Variants in ZNF827 observed in about 807,000 individuals in gnomAD.
ZNF827 encodes zinc finger protein 827.
ZNF827 carries 13 observed loss-of-function variants against 102.4 expected under a neutral mutation model. That is an observed-to-expected ratio of 0.13 (90% CI 0.08 to 0.20). The LOEUF is 0.20. Ranked by LOEUF, ZNF827 falls within the 10% of genes least tolerant of loss-of-function variation. ZNF827 has a pLI of 1.00. For synonymous variants in ZNF827, 523 were observed against 536.2 expected, an observed-to-expected ratio of 0.98 and a Z score of 0.34; for missense variants, 1,103 against 1,344.4, an observed-to-expected ratio of 0.82 and a Z score of 2.81.
chr4:145,889,971 C>T (rs1156267683), intron 3 of ZNF827, among the ~76,000 whole-genome samples: 3 of 148,978 alleles, frequency 2.0e-5, no homozygotes, highest in Non-Finnish European at 4.4e-5. Flanking sequence ...AGCTAGACTC[C>T]GTCTCAAAAA....
chr4:145,919,128 A>T (rs1752885431), intron 1 of ZNF827, among the ~76,000 whole-genome samples: 1 of 151,808 alleles, frequency 6.6e-6, no homozygotes, highest in South Asian at 2.1e-4. Flanking sequence ...CTGGTGGCAT[A>T]CTCTAGTACC....
intron 2 of ZNF827, among the ~76,000 whole-genome samples, chr4:145,897,378 A>T (rs1422606545): frequency 6.6e-6 from 1 of 152,188 alleles, no homozygotes; most frequent in Non-Finnish European, 1.5e-5. Context: ...AAGTCAATAT[A>T]ACTTGCAACT....
chr4:145,862,178 C>T (rs1026892234), intron 5 of ZNF827, among the ~76,000 whole-genome samples: 15 of 152,188 alleles, frequency 9.9e-5, no homozygotes, highest in East Asian at 7.7e-4. Context: ...GCGGGTGTAA[C>T]AGCAGGTATG....
At chr4:145,883,243 G>GCATA (rs1749825264) in intron 4 of ZNF827, among the ~76,000 whole-genome samples, 1 of 152,152 alleles carries the variant, frequency 6.6e-6, no homozygotes, top group Non-Finnish European at 1.5e-5. Context: ...AGGTAACAGT[G>GCATA]CATACAAGTC....
At chr4:145,882,705 C>G (rs1449015290) in intron 4 of ZNF827, among the ~76,000 whole-genome samples, 3 of 152,180 alleles carry the variant, frequency 2.0e-5, no homozygotes, top group Non-Finnish European at 4.4e-5. Flanking sequence ...TGTCTGCACG[C>G]TTGAATTTGT....
chr4:145,803,250 A>G (rs1741090814), intron 8 of ZNF827, among the ~76,000 whole-genome samples: 1 of 152,220 alleles, frequency 6.6e-6, no homozygotes, highest in South Asian at 2.1e-4. Flanking sequence ...TCACCTACTT[A>G]GTTATGACAA....
At chr4:145,858,575 G>C (rs1429376231) in intron 5 of ZNF827, among the ~76,000 whole-genome samples, 1 of 151,174 alleles carries the variant, frequency 6.6e-6, no homozygotes, top group Non-Finnish European at 1.5e-5. Context: ...CCAGGAGTTT[G>C]TGGCTGTAGT....
intron 8 of ZNF827, among the ~76,000 whole-genome samples, chr4:145,798,501 AC>A (rs1740588561): frequency 6.6e-6 from 1 of 152,122 alleles, no homozygotes; most frequent in Admixed American, 6.5e-5. Flanking sequence ...CCTCGTCTCC[AC>A]TAAAAATACA....
intron 4 of ZNF827, among the ~76,000 whole-genome samples, chr4:145,881,707 TG>T (rs1217520932): frequency 2.0e-5 from 3 of 152,110 alleles, no homozygotes; most frequent in Admixed American, 1.3e-4. Flanking sequence ...AGGAAACACC[TG>T]GGGCTCCATG....
At chr4:145,896,308 C>T (rs1750967416) in intron 2 of ZNF827, among the ~76,000 whole-genome samples, 1 of 152,068 alleles carries the variant, frequency 6.6e-6, no homozygotes, top group Non-Finnish European at 1.5e-5. Context: ...GTCACTGGAG[C>T]CAATATGAAA....
rs139953446 is a variant in ZNF827, at chr4:145,779,395, G to T, written c.2500C>A (p.Arg834=). 6.2e-7 allele frequency: 1 copy of T among 1,613,986 alleles called. No homozygotes were observed. The highest frequency in any genetic ancestry group is 8.5e-7 in the Non-Finnish European group (1 of 1,179,994). Residue 834 remains arginine, a synonymous_variant, in exon 9 of 15, where the codon CGA becomes AGA. Coordinates refer to ENST00000508784, the MANE Select transcript of ZNF827 (RefSeq NM_001306215.2). The part of the protein sequence containing the change: ...KVFGRQQTLS[R]HLSLHTEERK... ...TCACCTGTGTGCAGCGAGAGGTGTC[G>T]GGACAATGTCTGCTGTCGGCCAAAC...
At chr4:145,934,661 C>G (rs1488452745) in intron 1 of ZNF827, among the ~76,000 whole-genome samples, 2 of 152,220 alleles carry the variant, frequency 1.3e-5, no homozygotes, top group Non-Finnish European at 2.9e-5. Context: ...CAGGGTGGAA[C>G]TTCCAGGTTC....
intron 1 of ZNF827, among the ~76,000 whole-genome samples, chr4:145,930,127 AAAC>A (rs1478439155): frequency 6.6e-6 from 1 of 152,208 alleles, no homozygotes; most frequent in Non-Finnish European, 1.5e-5. Context: ...TCTCATTACA[AAAC>A]AACAACAAAA....
chr4:145,836,401 G>C (rs1246091480), intron 7 of ZNF827, among the ~76,000 whole-genome samples: 1 of 152,188 alleles, frequency 6.6e-6, no homozygotes, highest in Non-Finnish European at 1.5e-5. Flanking sequence ...TGCAGTGGCT[G>C]CTGCTGCTTT....
In ZNF827 at chr4:145,762,397, CGGA is replaced by C. The variant is rs2126849325; in HGVS notation, c.*17+690_*17+692del. Among the ~76,000 whole-genome samples the C allele has an allele frequency of 6.6e-6, 1 of 152,206 alleles. No individual in the cohort carries two copies. Among genetic ancestry groups the C allele is most frequent in the East Asian group, 1.9e-4 (1 of 5,178 alleles). On this transcript the variant is annotated intron_variant, in intron 14 of 14. Coordinates refer to ENST00000508784, the MANE Select transcript of ZNF827 (RefSeq NM_001306215.2). The surrounding 1 kb of genome is among the most constrained non-coding windows in gnomAD (Gnocchi z 4.9). ...AGACATTATTAATACATGATTATGC[CGGA>C]GATAGGATAATAATCCAACTGGATT...
At chr4:145,859,338 G>A (rs1747482882) in intron 5 of ZNF827, among the ~76,000 whole-genome samples, 1 of 152,196 alleles carries the variant, frequency 6.6e-6, no homozygotes, top group South Asian at 2.1e-4. Flanking sequence ...CAAAAAGGAA[G>A]GAGGTCACAA....
At chr4:145,836,097 A>G (rs1030207477) in intron 7 of ZNF827, among the ~76,000 whole-genome samples, 7 of 151,938 alleles carry the variant, frequency 4.6e-5, no homozygotes, top group African/African-American at 9.7e-5. Context: ...CAAATTACCT[A>G]GGCTGTACTG....
chr4:145,772,939 AATTAAATG>A (rs2126927272), intron 11 of ZNF827, among the ~76,000 whole-genome samples: 1 of 152,348 alleles, frequency 6.6e-6, no homozygotes, highest in African/African-American at 2.4e-5. Flanking sequence ...CACTCACGAC[AATTAAATG>A]ATGACAAGTC....
At chr4:145,927,485 G>C (rs1753513842) in intron 1 of ZNF827, among the ~76,000 whole-genome samples, 1 of 152,212 alleles carries the variant, frequency 6.6e-6, no homozygotes, top group Admixed American at 6.5e-5. Flanking sequence ...ATAAGACTGA[G>C]ATGAACTCAG....
Sources: gnomAD v4.1 joint callset for allele counts (sites outside exome capture counted in the v4.1 genomes callset) on GRCh38, gnomAD v4.1.1 for gene constraint, Gnocchi (gnomAD v3.1) non-coding constraint, MANE v1.5 for transcripts, NCBI Gene and HGNC (gene_info 2026-07-23, HGNC 2026-07-21) for gene names.